Variants in IL19 observed in about 807,000 individuals in gnomAD.
IL19 encodes interleukin 19.
A neutral mutation model predicts 19.5 loss-of-function variants in IL19; 15 were observed. The ratio of observed to expected loss-of-function variants is 0.77; its 90% CI spans 0.52 to 1.19. IL19 has a LOEUF of 1.19. IL19 is among the 50% of genes most tolerant of loss of function. The pLI is 0.00. For missense variants in IL19, 199 were observed against 213.1 expected (o/e 0.93, Z 0.41); for synonymous variants, 78 against 78.3 (o/e 1.00, Z 0.02).
At chr1:206,835,983 C>T (rs749949840) in intron 2 of IL19, among the ~76,000 whole-genome samples, 9 of 152,262 alleles carry the variant, frequency 5.9e-5, no homozygotes, top group Non-Finnish European at 8.8e-5. Flanking sequence ...TGCAAACATG[C>T]CCCTCATACC....
intron 2 of IL19, among the ~76,000 whole-genome samples, chr1:206,803,900 G>A (rs1395357749): frequency 6.6e-6 from 1 of 152,196 alleles, no homozygotes; most frequent in African/African-American, 2.4e-5. Flanking sequence ...AGCCCCCTGG[G>A]AATTCTGGAA....
At chr1:206,773,321 C>T (rs1800894) in intron 1 of IL19, among the ~76,000 whole-genome samples, 3,533 of 152,304 alleles carry the variant, frequency 0.023, 60 homozygotes, top group Non-Finnish European at 0.034. Flanking sequence ...ACACCAGTGC[C>T]AACTGAGAAT....
intron 2 of IL19, among the ~76,000 whole-genome samples, chr1:206,805,091 T>C (rs1182329463): frequency 1.3e-5 from 2 of 152,232 alleles, no homozygotes; most frequent in African/African-American, 2.4e-5. Context: ...ATCGGCACAA[T>C]TTATTTAGCT....
intron 4 of IL19, among the ~76,000 whole-genome samples, chr1:206,837,639 C>CA (rs2243172): frequency 0.85 from 128,764 of 152,062 alleles, 55,213 homozygotes; most frequent in Non-Finnish European, 0.91. Context: ...TGCTTGAGAT[C>CA]GGGGCTTGAG....
At chr1:206,812,561 C>T (rs1043637972) in intron 2 of IL19, among the ~76,000 whole-genome samples, 12 of 152,100 alleles carry the variant, frequency 7.9e-5, no homozygotes, top group African/African-American at 2.7e-4. Context: ...TTCTGGGGTG[C>T]CTTTTAGGAT....
At chr1:206,781,429 A>AAAAAAAAAAG (rs1675126004) in intron 1 of IL19, among the ~76,000 whole-genome samples, 1 of 150,150 alleles carries the variant, frequency 6.7e-6, no homozygotes, top group Non-Finnish European at 1.5e-5. Context: ...AAAAAAAAAA[A>AAAAAAAAAAG]AAAAAAAAAG....
intron 1 of IL19, chr1:206,771,531 C>G: frequency 1.2e-6 from 1 of 831,184 alleles, no homozygotes. Flanking sequence ...TGGCTCTGGC[C>G]CAAAAAAATC....
At chr1:206,824,273 C>T (rs1676373628) in intron 2 of IL19, among the ~76,000 whole-genome samples, 1 of 152,126 alleles carries the variant, frequency 6.6e-6, no homozygotes, top group African/African-American at 2.4e-5. Context: ...CTTAGCCTTC[C>T]CATCTAAAGA....
At chr1:206,814,301 G>A (rs1213632928) in intron 2 of IL19, among the ~76,000 whole-genome samples, 3 of 151,840 alleles carry the variant, frequency 2.0e-5, no homozygotes, top group Non-Finnish European at 2.9e-5. Flanking sequence ...CAGAGAATAT[G>A]CCAAACCCAA....
At chr1:206,774,040 T>C (rs568291432) in intron 1 of IL19, among the ~76,000 whole-genome samples, 1 of 152,316 alleles carries the variant, frequency 6.6e-6, no homozygotes, top group East Asian at 1.9e-4. Context: ...GCATCAGCAA[T>C]GGGACAACTC....
chr1:206,824,661 C>T (rs1016923971), intron 2 of IL19, among the ~76,000 whole-genome samples: 8 of 152,198 alleles, frequency 5.3e-5, no homozygotes, highest in African/African-American at 1.4e-4. Context: ...GGAATTATCA[C>T]CCCCATTTCT....
intron 1 of IL19, 21 bp downstream of exon 1, chr1:206,771,099 G>A: frequency 6.2e-7 from 1 of 1,611,866 alleles, no homozygotes; most frequent in Non-Finnish European, 8.5e-7. Flanking sequence ...GATTGGCGGA[G>A]GTGGCTGGGA....
At position 206,842,649 on chromosome 1, in the gene IL19, G is replaced by A. The variant is rs1677057329; in HGVS notation, c.*27G>A. 7.4e-7 allele frequency: 1 copy of A among 1,348,894 alleles called. No homozygotes were observed. The highest frequency in any genetic ancestry group is 1.0e-6 in the Non-Finnish European group (1 of 961,144). The allele number at this position is 1,348,894 out of a possible 1,614,324, so 83.6% of individuals were successfully genotyped here. A position where few individuals can be genotyped will look rare whatever the true frequency, so the allele number is the denominator to read the frequency against. Reference sequence around the variant, plus strand: ...GACAAGGAACCTGTATAGTGATCCAGGGATGAACACCCCCTGTGCGGTTTA... The same window carrying A: ...GACAAGGAACCTGTATAGTGATCCAAGGATGAACACCCCCTGTGCGGTTTA... On this transcript the variant is annotated 3_prime_UTR_variant, in exon 7 of 7. Transcript: ENST00000659997.
At chr1:206,785,358 C>T (rs1675244667) in intron 1 of IL19, among the ~76,000 whole-genome samples, 1 of 152,230 alleles carries the variant, frequency 6.6e-6, no homozygotes, top group African/African-American at 2.4e-5. Context: ...CTTAACCGTG[C>T]TTGTGAGAAA....
At chr1:206,815,907 A>G (rs1676143100) in intron 2 of IL19, among the ~76,000 whole-genome samples, 1 of 152,206 alleles carries the variant, frequency 6.6e-6, no homozygotes. Flanking sequence ...GCCCTCGAAT[A>G]ACATTGTTTC....
intron 2 of IL19, among the ~76,000 whole-genome samples, chr1:206,821,001 A>C (rs1011178553): frequency 6.6e-6 from 1 of 152,128 alleles, no homozygotes; most frequent in Non-Finnish European, 1.5e-5. Context: ...CTTGGTTTGC[A>C]TTACTGTCTC....
chr1:206,789,558 T>A (rs1029082283), intron 1 of IL19, among the ~76,000 whole-genome samples: 2 of 152,206 alleles, frequency 1.3e-5, no homozygotes, highest in Admixed American at 1.3e-4. Flanking sequence ...GGTGTATATA[T>A]GCCATATTTT....
intron 2 of IL19, among the ~76,000 whole-genome samples, chr1:206,825,124 C>T (rs1558619018): frequency 6.6e-6 from 1 of 152,176 alleles, no homozygotes; most frequent in Admixed American, 6.5e-5. Context: ...CTCAGAAAGA[C>T]ATCAGAAGGA....
intron 1 of IL19, among the ~76,000 whole-genome samples, chr1:206,778,588 A>G (rs941267282): frequency 1.3e-5 from 2 of 152,150 alleles, no homozygotes; most frequent in African/African-American, 4.8e-5. Flanking sequence ...TCCCATGACT[A>G]AAAAAGTCCT....
Sources: allele counts gnomAD v4.1 joint callset (sites outside exome capture counted in the v4.1 genomes callset), GRCh38; gene constraint gnomAD v4.1.1; transcripts MANE v1.5; gene names NCBI Gene and HGNC (gene_info 2026-07-23, HGNC 2026-07-21).